Variants in ENTREP2 observed in about 807,000 individuals in gnomAD.
ENTREP2 encodes the protein protein ENTREP2.
chr15:29,513,938 C>A, the ENTREP2 span, among the ~76,000 whole-genome samples: 1 of 152,320 alleles, frequency 6.6e-6, no homozygotes, highest in South Asian at 2.1e-4. Context: ...CTTGCAGTGT[C>A]TACATTCTAG....
chr15:29,348,031 G>C, the ENTREP2 span, among the ~76,000 whole-genome samples: 1 of 152,166 alleles, frequency 6.6e-6, no homozygotes, highest in Non-Finnish European at 1.5e-5. Context: ...CAGATTCTGC[G>C]TCAGGGTGCA....
At chr15:29,570,757 G>C in the ENTREP2 span, 1 of 856,130 alleles carries the variant, frequency 1.2e-6, no homozygotes, top group Non-Finnish European at 1.3e-6. Context: ...GCCCGCTCCC[G>C]CCCGGCCCGG....
the ENTREP2 span, among the ~76,000 whole-genome samples, chr15:29,203,447 C>T: frequency 1.3e-5 from 2 of 152,280 alleles, no homozygotes; most frequent in South Asian, 4.1e-4. Context: ...TCCACAGCCT[C>T]ACCAGCATCT....
chr15:29,594,401 C>G, the ENTREP2 span, among the ~76,000 whole-genome samples: 1 of 152,178 alleles, frequency 6.6e-6, no homozygotes, highest in Non-Finnish European at 1.5e-5. Context: ...CAACTCTCAC[C>G]TGGGAGCAGC....
the ENTREP2 span, among the ~76,000 whole-genome samples, chr15:29,561,491 T>C: frequency 2.0e-5 from 3 of 152,070 alleles, no homozygotes; most frequent in African/African-American, 4.8e-5. Flanking sequence ...ATCGAGACCA[T>C]CTTGGCTAAC....
chr15:29,336,477 A>G, the ENTREP2 span, among the ~76,000 whole-genome samples: 169 of 151,884 alleles, frequency 1.1e-3, 2 homozygotes, highest in East Asian at 0.029. Context: ...CATTCAGCTA[A>G]ATTTTATTTT....
At chr15:29,129,645 G>A in the ENTREP2 span, among the ~76,000 whole-genome samples, 1 of 152,296 alleles carries the variant, frequency 6.6e-6, no homozygotes, top group East Asian at 1.9e-4. Context: ...ACCACGCCCT[G>A]CTTTTTTCAG....
the ENTREP2 span, chr15:29,252,628 G>A: frequency 2.0e-6 from 1 of 512,268 alleles, no homozygotes; most frequent in Non-Finnish European, 3.5e-6. Context: ...GAAAGTGGTA[G>A]GTTATTTCTC....
the ENTREP2 span, among the ~76,000 whole-genome samples, chr15:29,444,206 GAAAGAAAGAAAGAAAGAA>G: frequency 2.1e-5 from 3 of 144,530 alleles, no homozygotes; most frequent in Non-Finnish European, 3.0e-5. Context: ...AAGAAAGAAA[GAAAGAAAGAAAGAAAGAA>G]AGAAAGAAAG....
chr15:29,346,737 T>C, the ENTREP2 span, among the ~76,000 whole-genome samples: 1 of 152,222 alleles, frequency 6.6e-6, no homozygotes, highest in African/African-American at 2.4e-5. Context: ...AGAAGATTTA[T>C]GACATTATTT....
At chr15:29,613,453 G>T in the ENTREP2 span, 2 of 444,298 alleles carry the variant, frequency 4.5e-6, no homozygotes, top group Admixed American at 2.6e-5. Context: ...GAGGGCACAG[G>T]CTCTGGAATG....
At chr15:29,143,163 C>T in the ENTREP2 span, among the ~76,000 whole-genome samples, 1 of 152,294 alleles carries the variant, frequency 6.6e-6, no homozygotes, top group African/African-American at 2.4e-5. Flanking sequence ...AGATTCCCAC[C>T]AGCACTGGAC....
chr15:29,172,716 T>G, the ENTREP2 span, among the ~76,000 whole-genome samples: 2 of 152,224 alleles, frequency 1.3e-5, no homozygotes, highest in South Asian at 2.1e-4. Context: ...TGCCTCATCC[T>G]TGATCATCCC....
chr15:29,358,659 ATAACTG>A, the ENTREP2 span, among the ~76,000 whole-genome samples: 1 of 152,150 alleles, frequency 6.6e-6, no homozygotes, highest in Non-Finnish European at 1.5e-5. Flanking sequence ...CATTTTAAAC[ATAACTG>A]TCAGTAGAAA....
the ENTREP2 span, among the ~76,000 whole-genome samples, chr15:29,512,055 C>T: frequency 2.6e-5 from 4 of 151,362 alleles, no homozygotes; most frequent in South Asian, 2.1e-4. Flanking sequence ...CTATGGTGAA[C>T]GATATTACTG....
At chr15:29,309,940 G>A in the ENTREP2 span, among the ~76,000 whole-genome samples, 1 of 152,158 alleles carries the variant, frequency 6.6e-6, no homozygotes, top group Non-Finnish European at 1.5e-5. Context: ...GACTGAGACT[G>A]TCAGAGGGAA....
chr15:29,630,813 G>T, the ENTREP2 span, among the ~76,000 whole-genome samples: 1 of 152,084 alleles, frequency 6.6e-6, no homozygotes, highest in South Asian at 2.1e-4. Flanking sequence ...TCAGCCTCCC[G>T]AGTAGTTGGG....
At chr15:29,282,245 C>T in the ENTREP2 span, among the ~76,000 whole-genome samples, 3 of 152,104 alleles carry the variant, frequency 2.0e-5, no homozygotes, top group Admixed American at 6.5e-5. Flanking sequence ...GTAAGTCTCA[C>T]GAGATCTGAT....
the ENTREP2 span, among the ~76,000 whole-genome samples, chr15:29,664,610 A>G: frequency 6.7e-4 from 102 of 152,140 alleles, no homozygotes; most frequent in Non-Finnish European, 1.2e-3. Context: ...CCCAACACAA[A>G]CGCGCCCACT....
Sources: allele counts gnomAD v4.1 joint callset (sites outside exome capture counted in the v4.1 genomes callset), GRCh38; gene constraint gnomAD v4.1.1; transcripts MANE v1.5; gene names NCBI Gene and HGNC (gene_info 2026-07-23, HGNC 2026-07-21).